BRD10: variants seen among roughly 807,000 people sequenced by gnomAD.
The protein encoded by BRD10 is uncharacterized bromodomain-containing protein 10.
the BRD10 span, among the ~76,000 whole-genome samples, chr9:5,895,611 T>C: frequency 6.6e-6 from 1 of 152,226 alleles, no homozygotes. Flanking sequence ...TGGAGAGCAG[T>C]TCTCACAGTT....
the BRD10 span, among the ~76,000 whole-genome samples, chr9:5,998,528 A>T: frequency 6.6e-6 from 1 of 151,978 alleles, no homozygotes; most frequent in Non-Finnish European, 1.5e-5. Flanking sequence ...AGGAGAAAAG[A>T]CTCCTTTCTC....
the BRD10 span, among the ~76,000 whole-genome samples, chr9:5,896,974 C>G: frequency 6.6e-6 from 1 of 152,240 alleles, no homozygotes; most frequent in Admixed American, 6.5e-5. Context: ...GATTCAGGTT[C>G]AAATCCAGCC....
the BRD10 span, among the ~76,000 whole-genome samples, chr9:5,925,872 T>C: frequency 6.6e-6 from 1 of 152,214 alleles, no homozygotes; most frequent in Non-Finnish European, 1.5e-5. Context: ...CTTTTACCCT[T>C]AGTGTCGTTT....
chr9:5,947,391 T>C, the BRD10 span, among the ~76,000 whole-genome samples: 1 of 152,222 alleles, frequency 6.6e-6, no homozygotes, highest in Non-Finnish European at 1.5e-5. Context: ...ACTGGAACAT[T>C]CTGGTACCAT....
At chr9:5,919,293 C>T in the BRD10 span, 1 of 155,760 alleles carries the variant, frequency 6.4e-6, no homozygotes, top group Non-Finnish European at 1.4e-5. Context: ...ACTAATGACA[C>T]TGAATACCAT....
chr9:5,887,855 C>T, the BRD10 span, among the ~76,000 whole-genome samples: 2 of 152,216 alleles, frequency 1.3e-5, no homozygotes, highest in African/African-American at 4.8e-5. Flanking sequence ...CTGACTGCTT[C>T]TTACCATTTA....
the BRD10 span, among the ~76,000 whole-genome samples, chr9:5,908,294 C>CGATCTCT: frequency 1.3e-5 from 2 of 152,152 alleles, no homozygotes; most frequent in African/African-American, 4.8e-5. Flanking sequence ...ACAATTACAA[C>CGATCTCT]GATCTCTGTG....
At chr9:5,916,923 G>T in the BRD10 span, among the ~76,000 whole-genome samples, 1 of 152,104 alleles carries the variant, frequency 6.6e-6, no homozygotes, top group South Asian at 2.1e-4. Context: ...CTCTAGCCAC[G>T]ATCTCAGAAA....
chr9:5,935,114 A>T, the BRD10 span, among the ~76,000 whole-genome samples: 1 of 152,312 alleles, frequency 6.6e-6, no homozygotes, highest in Admixed American at 6.5e-5. Context: ...AATATGAAAA[A>T]AGTTAAAAAG....
the BRD10 span, chr9:5,919,579 C>CACACACACAA: frequency 8.0e-6 from 8 of 997,028 alleles, no homozygotes; most frequent in Admixed American, 2.3e-4. Context: ...CACACACACA[C>CACACACACAA]ACACAATGTA....
the BRD10 span, among the ~76,000 whole-genome samples, chr9:5,896,880 G>A: frequency 6.6e-6 from 1 of 152,210 alleles, no homozygotes; most frequent in Non-Finnish European, 1.5e-5. Flanking sequence ...TTTGCTGTAG[G>A]TTCAGCCCAG....
chr9:5,944,921 T>C, the BRD10 span: 1 of 1,546,858 alleles, frequency 6.5e-7, no homozygotes, highest in Non-Finnish European at 8.7e-7. Context: ...TCGATTTTTG[T>C]GATTAATTCC....
chr9:5,961,197 CAAAAT>C, the BRD10 span, among the ~76,000 whole-genome samples: 1 of 152,068 alleles, frequency 6.6e-6, no homozygotes, highest in Non-Finnish European at 1.5e-5. Context: ...AGACAATCCT[CAAAAT>C]AACCTAGAAG....
the BRD10 span, chr9:6,008,397 G>C: frequency 1.5e-6 from 1 of 676,710 alleles, no homozygotes; most frequent in Non-Finnish European, 1.8e-6. Context: ...GGAGAGAAGG[G>C]GGAGGGCACT....
chr9:5,894,189 G>A, the BRD10 span, among the ~76,000 whole-genome samples: 2 of 152,218 alleles, frequency 1.3e-5, no homozygotes, highest in Non-Finnish European at 1.5e-5. This position sits in a 1 kb window ranked among gnomAD's most constrained non-coding sequence, Gnocchi z 4.0. Flanking sequence ...GGCCGAAAGT[G>A]GAGTTGTCCT....
chr9:5,910,599 C>A, the BRD10 span: 1 of 152,268 alleles, frequency 6.6e-6, no homozygotes, highest in African/African-American at 2.4e-5. Context: ...TCCAGAACCC[C>A]CAGACTGTCA....
the BRD10 span, among the ~76,000 whole-genome samples, chr9:5,967,488 T>C: frequency 6.6e-6 from 1 of 152,114 alleles, no homozygotes; most frequent in African/African-American, 2.4e-5. Flanking sequence ...ATTGATGTAA[T>C]TTTCTTATAT....
At chr9:5,961,712 G>C in the BRD10 span, among the ~76,000 whole-genome samples, 1 of 152,038 alleles carries the variant, frequency 6.6e-6, no homozygotes, top group African/African-American at 2.4e-5. Flanking sequence ...GTTTCCAATA[G>C]TAAGGAACAG....
At chr9:5,971,514 A>C in the BRD10 span, among the ~76,000 whole-genome samples, 1 of 152,220 alleles carries the variant, frequency 6.6e-6, no homozygotes, top group Non-Finnish European at 1.5e-5. Flanking sequence ...GCAATCCAGT[A>C]AGATAAATAC....
Sources: gnomAD v4.1 joint callset for allele counts (sites outside exome capture counted in the v4.1 genomes callset) on GRCh38, gnomAD v4.1.1 for gene constraint, Gnocchi (gnomAD v3.1) non-coding constraint, MANE v1.5 for transcripts, NCBI Gene and HGNC (gene_info 2026-07-23, HGNC 2026-07-21) for gene names.